Variants in MTHFD1L observed in about 807,000 individuals in gnomAD.
The protein encoded by MTHFD1L is monofunctional C1-tetrahydrofolate synthase, mitochondrial.
A neutral mutation model predicts 119.5 loss-of-function variants in MTHFD1L; 81 were observed. The observed-to-expected ratio is 0.68, with a 90% confidence interval of 0.57 to 0.82. MTHFD1L has a LOEUF of 0.82. Ranked by LOEUF, MTHFD1L falls within the 40% of genes least tolerant of loss-of-function variation. The pLI, the probability that MTHFD1L is intolerant of heterozygous loss-of-function variation, is 0.00. For missense variants in MTHFD1L, 1,125 were observed against 1,253.4 expected, an observed-to-expected ratio of 0.90 and a Z score of 1.55; for synonymous variants, 430 against 475.2, an observed-to-expected ratio of 0.90 and a Z score of 1.24.
chr6:150,887,657 A>G (rs891571575), intron 6 of MTHFD1L, among the ~76,000 whole-genome samples, 188 bp from the exon 7 acceptor site: 2 of 152,138 alleles, frequency 1.3e-5, no homozygotes, highest in African/African-American at 4.8e-5. Flanking sequence ...GGGTTTTACC[A>G]TGTTGGCCAG....
chr6:150,922,519 A>AT (rs67151732), intron 10 of MTHFD1L, among the ~76,000 whole-genome samples: 13,420 of 151,550 alleles, frequency 0.089, 840 homozygotes, highest in African/African-American at 0.17. Context: ...AAGAAGGCAT[A>AT]TTTTTTTATT....
At chr6:151,043,264 T>TTG (rs1787412968) in intron 26 of MTHFD1L, among the ~76,000 whole-genome samples, 1 of 127,088 alleles carries the variant, frequency 7.9e-6, no homozygotes. Context: ...TTCTCTTTTT[T>TTG]TTTTTTTTTT....
At chr6:150,889,133 T>A (rs1380303692) in intron 7 of MTHFD1L, among the ~76,000 whole-genome samples, 1 of 150,452 alleles carries the variant, frequency 6.6e-6, no homozygotes, top group East Asian at 1.9e-4. Context: ...GCCGCGATCG[T>A]GCCACTGCAC....
intron 20 of MTHFD1L, among the ~76,000 whole-genome samples, chr6:151,007,007 C>A (rs1213989399): frequency 6.6e-6 from 1 of 152,126 alleles, no homozygotes. Flanking sequence ...GGCCAGTGAA[C>A]CAGTCTTGCT....
intron 26 of MTHFD1L, among the ~76,000 whole-genome samples, chr6:151,059,869 C>T (rs764066573): frequency 1.3e-5 from 2 of 152,106 alleles, no homozygotes; most frequent in African/African-American, 2.4e-5. Context: ...TATTTACGAG[C>T]GAGTTGATGC....
Position 150,956,061 on chromosome 6 carries a change from A to T in MTHFD1L, c.1793A>T (p.His598Leu). 1 of 1,613,972 alleles carries T rather than the reference A, an allele frequency of 6.2e-7. No individual in the cohort carries two copies. Among genetic ancestry groups the T allele is most frequent in the Non-Finnish European group, 8.5e-7 (1 of 1,179,830 alleles). The part of the protein sequence containing the change: ...TIGQGNTEKG[H>L]YRQAQFDIAV... ...GGGCAGGGAAACACAGAGAAGGGCC[A>T]TTACCGGCAGGTAGGTGGTGCTTTC... Residue 598 changes from histidine (H) to leucine (L), a missense_variant, in exon 17 of 28, where the codon CAT becomes CTT. His to Leu is a moderately conservative substitution (Grantham distance 99). This residue lies in a region of MTHFD1L where 1,058 missense variants were observed against 1,151.2 expected (regional missense o/e 0.92). Transcript: ENST00000367321.
chr6:150,965,137 G>A, intron 19 of MTHFD1L, 100 bp downstream of exon 19: 2 of 989,478 alleles, frequency 2.0e-6, no homozygotes, highest in Non-Finnish European at 3.2e-6. Context: ...AGCATGCCTG[G>A]GGCAGCAGTG....
chr6:150,912,569 T>C (rs1787100561), intron 8 of MTHFD1L: 2 of 341,288 alleles, frequency 5.9e-6, no homozygotes, highest in Non-Finnish European at 1.3e-5. Flanking sequence ...CTGGCAAAGT[T>C]CCCAGGGTGG....
At chr6:150,896,175 A>G (rs1232746336) in intron 7 of MTHFD1L, among the ~76,000 whole-genome samples, 1 of 152,228 alleles carries the variant, frequency 6.6e-6, no homozygotes, top group Non-Finnish European at 1.5e-5. Context: ...TCTAATCTCT[A>G]ATCTTGAAAA....
Position 150,865,721 on chromosome 6 carries a change from C to CCCGCCACCG in MTHFD1L, c.-97_-96insACCGCCGCC. The CCCGCCACCG allele has an allele frequency of 1.0e-6, 1 of 967,252 alleles. No individual in the cohort carries two copies. Among genetic ancestry groups the CCCGCCACCG allele is most frequent in the Non-Finnish European group, 1.3e-6 (1 of 780,418 alleles). The allele number at this position is 967,252 out of a possible 1,614,324, so 59.9% of individuals were successfully genotyped here. On this transcript the variant is annotated 5_prime_UTR_variant, in exon 1 of 28. Transcript: ENST00000367321. ...GACGAGGAGGAAGCGCCAGGTCCTT[C>CCCGCCACCG]CCGCCGCCGCCGCCGCCGCCGCCGC...
intron 20 of MTHFD1L, among the ~76,000 whole-genome samples, chr6:150,993,294 A>G (rs1283186257): frequency 6.6e-6 from 1 of 152,148 alleles, no homozygotes; most frequent in African/African-American, 2.4e-5. Flanking sequence ...AGCAGAATTT[A>G]GAGTAATTTA....
At chr6:150,884,264 C>A (rs961587873) in intron 5 of MTHFD1L, among the ~76,000 whole-genome samples, 5 of 151,702 alleles carry the variant, frequency 3.3e-5, no homozygotes. Flanking sequence ...GCCTCAGCCT[C>A]CCGAGTAGCT....
At chr6:151,013,625 A>G (rs1377665548) in intron 21 of MTHFD1L, among the ~76,000 whole-genome samples, 154 bp from the exon 22 acceptor site, 2 of 152,288 alleles carry the variant, frequency 1.3e-5, no homozygotes, top group East Asian at 3.9e-4. Context: ...GCAGGAGTTT[A>G]GGTTTAGCCA....
rs768372349 is a variant in MTHFD1L at position 150,890,427 on chromosome 6, G to A, written c.780+2446G>A. 2.0e-5 allele frequency among the ~76,000 whole-genome samples: 3 copies of A among 152,064 alleles called. 1 individual carries two copies. Among genetic ancestry groups the A allele is most frequent in the South Asian group, 4.1e-4 (2 of 4,822 alleles). ...TCAAGGGAGACAGGGGCAGGATTTC[G>A]CCTTCACTGATGGGCAGGCCAGCGG... On this transcript the variant is annotated intron_variant, in intron 7 of 27. Coordinates refer to ENST00000367321, the MANE Select transcript of MTHFD1L (RefSeq NM_015440.5).
chr6:150,866,810 G>A (rs999655710), intron 1 of MTHFD1L, among the ~76,000 whole-genome samples: 2 of 152,102 alleles, frequency 1.3e-5, no homozygotes, highest in Non-Finnish European at 1.5e-5. Flanking sequence ...CCCGGTCCCC[G>A]CCCCTGGGCT....
In MTHFD1L at chr6:150,887,937, A is replaced by G. The variant is rs772530357; in HGVS notation, c.736A>G (p.Met246Val). Residue 246 changes from methionine to valine, a missense_variant, in exon 7 of 28, where the codon ATG becomes GTG. Transcript: ENST00000367321. Reference protein sequence around the residue: ...LQCLFQRKGSMTMSIQWKTRQ... With the variant: ...LQCLFQRKGSVTMSIQWKTRQ... Reference sequence around the variant, plus strand: ...ATGCCTGTTCCAGAGAAAAGGGTCCATGACAATGAGCATCCAGTGGAAAAC... The same window carrying G: ...ATGCCTGTTCCAGAGAAAAGGGTCCGTGACAATGAGCATCCAGTGGAAAAC... 4 of 1,609,696 alleles carry G rather than the reference A, an allele frequency of 2.5e-6. No individual in the cohort carries two copies. The East Asian group carries it at 8.9e-5, about 36-fold the overall frequency.
chr6:151,062,307 G>A (rs558963133), intron 26 of MTHFD1L, among the ~76,000 whole-genome samples: 8 of 152,100 alleles, frequency 5.3e-5, no homozygotes, highest in Admixed American at 1.3e-4. Flanking sequence ...GCTTGGTGGC[G>A]TGCACCTGTA....
intron 1 of MTHFD1L, 186 bp from the exon 2 acceptor site, chr6:150,875,904 C>A: frequency 3.9e-6 from 2 of 508,862 alleles, no homozygotes; most frequent in South Asian, 3.4e-5. Context: ...CGCATTTTAC[C>A]TTGTGTTAGT....
chr6:150,892,600 A>G (rs151033092), intron 7 of MTHFD1L, among the ~76,000 whole-genome samples: 2 of 152,266 alleles, frequency 1.3e-5, no homozygotes, highest in African/African-American at 2.4e-5. Flanking sequence ...ATGGGAAGAA[A>G]TGTTCATAGC....
Sources: allele counts gnomAD v4.1 joint callset (sites outside exome capture counted in the v4.1 genomes callset), GRCh38; gene constraint gnomAD v4.1.1; regional missense constraint gnomAD v4.1.1; transcripts MANE v1.5; gene names NCBI Gene and HGNC (gene_info 2026-07-23, HGNC 2026-07-21).